Variants in FBXL2 observed in about 807,000 individuals in gnomAD.
FBXL2 encodes the protein F-box/LRR-repeat protein 2.
In FBXL2, 38 loss-of-function variants were observed where a neutral mutation model predicts 69.2. That is an observed-to-expected ratio of 0.55 (90% CI 0.42 to 0.72). FBXL2 has a LOEUF of 0.72. FBXL2 is among the 30% of genes least tolerant of loss of function. The pLI is 0.00. For missense variants in FBXL2, 354 were observed against 520.3 expected, an observed-to-expected ratio of 0.68 and a Z score of 3.11; for synonymous variants, 192 against 201.3, an observed-to-expected ratio of 0.95 and a Z score of 0.39.
chr3:33,355,076 T>C (rs1336609295), intron 2 of FBXL2, among the ~76,000 whole-genome samples: 1 of 152,134 alleles, frequency 6.6e-6, no homozygotes, highest in Non-Finnish European at 1.5e-5. Context: ...ACTATGGGCA[T>C]GCGTCACCAC....
Position 33,283,511 on chromosome 3 carries a change from T to G in FBXL2, c.3+5996T>G, listed in dbSNP as rs1199221575. Among the ~76,000 whole-genome samples, 4 of 152,180 alleles carry G rather than the reference T, an allele frequency of 2.6e-5. No homozygotes were observed. In the East Asian group the frequency reaches 7.7e-4, roughly 29 times the overall value. ...CAGGGATATTGGTCTAAAATTCTCT[T>G]TTTTTGTTGTGTCTCTGCCAGGCTT... On this transcript the variant is annotated intron_variant, in intron 1 of 14. Transcript: ENST00000484457.
At position 33,297,719 on chromosome 3, in the gene FBXL2, T is replaced by C; in HGVS notation, c.59T>C (p.Leu20Pro). 1 of 1,561,606 alleles carries C rather than the reference T, an allele frequency of 6.4e-7. No homozygotes were observed. The highest frequency in any genetic ancestry group is 8.8e-7 in the Non-Finnish European group (1 of 1,140,882). Reference protein sequence around the residue: ...LINKKLPKELLLRIFSFLDIV... With the variant: ...LINKKLPKELPLRIFSFLDIV... ...AACAAAAAGTTACCCAAAGAACTTC[T>C]GTTAAGGTAAATGTAGATAAATTCT... The change falls in exon 2 of 15, where the codon CTG becomes CCG. Residue 20 changes from leucine to proline, a missense_variant. Leu to Pro is a moderately conservative substitution (Grantham distance 98). Transcript: ENST00000484457.
chr3:33,367,262 G>A lies in FBXL2; in HGVS notation c.290+2543G>A, dbSNP rs148392001. 3.9e-3 allele frequency among the ~76,000 whole-genome samples: 589 copies of A among 152,150 alleles called. 4 individuals carry two copies. Among genetic ancestry groups the A allele is most frequent in the Middle Eastern group, 6.8e-3 (2 of 294 alleles). On this transcript the variant is annotated intron_variant, in intron 5 of 14. Coordinates refer to ENST00000484457, the MANE Select transcript of FBXL2 (RefSeq NM_012157.5). Reference sequence around the variant, plus strand: ...ATGCCTGGCTAATTTTATATTTTCAGTAGAGACGGGGGTTTCACCATGTTG... The same window carrying A: ...ATGCCTGGCTAATTTTATATTTTCAATAGAGACGGGGGTTTCACCATGTTG...
At chr3:33,353,709 AC>A (rs1375427444) in intron 2 of FBXL2, among the ~76,000 whole-genome samples, 1 of 152,062 alleles carries the variant, frequency 6.6e-6, no homozygotes, top group Non-Finnish European at 1.5e-5. Context: ...GACAACATAG[AC>A]CCCATCTCTT....
intron 12 of FBXL2, chr3:33,400,090 C>A: frequency 1.5e-6 from 1 of 686,402 alleles, no homozygotes; most frequent in Non-Finnish European, 2.1e-6. Flanking sequence ...AACTTCCTAT[C>A]CATAGTTATT....
chr3:33,410,243 A>ACCC, the FBXL2 span, among the ~76,000 whole-genome samples: 2 of 152,238 alleles, frequency 1.3e-5, no homozygotes, highest in African/African-American at 2.4e-5. Context: ...CCTGGATGAC[A>ACCC]GCCTTAGGGT....
intron 2 of FBXL2, among the ~76,000 whole-genome samples, chr3:33,344,907 C>A (rs2040324809): frequency 6.6e-6 from 1 of 152,056 alleles, no homozygotes; most frequent in South Asian, 2.1e-4. Context: ...AACACTGACA[C>A]CAGAAGAAAC....
chr3:33,390,435 A>T (rs982820615), downstream of FBXL2: 3 of 1,557,480 alleles, frequency 1.9e-6, no homozygotes, highest in Non-Finnish European at 1.8e-6. Flanking sequence ...TAAATGGAAA[A>T]CTCCCTGCCA....
At chr3:33,379,681 CAAAAAA>C (rs34431678) in intron 13 of FBXL2, among the ~76,000 whole-genome samples, 10 of 140,394 alleles carry the variant, frequency 7.1e-5, no homozygotes, top group South Asian at 2.3e-4. Context: ...AAAATTGTAC[CAAAAAA>C]AAAACAAAAA....
intron 13 of FBXL2, among the ~76,000 whole-genome samples, chr3:33,381,166 A>G (rs2043028186): frequency 6.6e-6 from 1 of 152,222 alleles, no homozygotes; most frequent in African/African-American, 2.4e-5. Flanking sequence ...ATATGCCAGT[A>G]CATAAGTTTT....
chr3:33,317,922 T>C (rs1049915155), intron 2 of FBXL2, among the ~76,000 whole-genome samples: 92 of 152,344 alleles, frequency 6.0e-4, no homozygotes, highest in African/African-American at 2.1e-3. Flanking sequence ...TTAGGGATAC[T>C]CAGCCCATAC....
rs765529329 is a variant in FBXL2, at chr3:33,385,543, G to A, written c.1207G>A (p.Val403Ile). The part of the protein sequence containing the change: ...HVKVHAYFAP[V>I]TPPTAVAGSG... ...CAAAGTCCACGCCTACTTTGCTCCC[G>A]TCACCCCACCGACAGCAGTGGCAGG... The change falls in exon 15 of 15, where the codon GTC (valine) becomes ATC (isoleucine). Residue 403 changes from valine to isoleucine, a missense_variant. Coordinates refer to ENST00000484457, the MANE Select transcript of FBXL2 (RefSeq NM_012157.5). The A allele has an allele frequency of 1.4e-5, 23 of 1,613,702 alleles. No homozygotes were observed. Among genetic ancestry groups the A allele is most frequent in the Admixed American group, 5.0e-5 (3 of 59,972 alleles).
chr3:33,281,413 A>T (rs1354543337), intron 1 of FBXL2, among the ~76,000 whole-genome samples: 1 of 152,110 alleles, frequency 6.6e-6, no homozygotes, highest in Non-Finnish European at 1.5e-5. Context: ...CATGGTGTAT[A>T]TGTGCCACAT....
upstream of FBXL2, chr3:33,277,185 T>TAAAAAA (rs751643485): frequency 6.2e-5 from 18 of 291,570 alleles, no homozygotes; most frequent in South Asian, 5.0e-4. Context: ...ACGTTTTTTT[T>TAAAAAA]AAAAAAAAAA....
At chr3:33,311,650 G>A (rs957880555) in intron 2 of FBXL2, among the ~76,000 whole-genome samples, 2 of 151,796 alleles carry the variant, frequency 1.3e-5, no homozygotes, top group Non-Finnish European at 2.9e-5. Flanking sequence ...TTGAGACAGA[G>A]TCTTGCTCTG....
chr3:33,378,949 G>C (rs1391633202), intron 13 of FBXL2: 1 of 882,398 alleles, frequency 1.1e-6, no homozygotes, highest in Non-Finnish European at 1.7e-6. Flanking sequence ...TCCCAAAAGA[G>C]AAATGTCCAG....
intron 13 of FBXL2, chr3:33,383,363 T>TA (rs2043186584): frequency 6.5e-6 from 1 of 153,052 alleles, no homozygotes; most frequent in Non-Finnish European, 1.5e-5. Flanking sequence ...ATAGAGAACT[T>TA]AAGAGAATTA....
chr3:33,367,367 C>T (rs1246261782), intron 5 of FBXL2, among the ~76,000 whole-genome samples: 3 of 152,178 alleles, frequency 2.0e-5, no homozygotes, highest in Non-Finnish European at 4.4e-5. Context: ...TAAGCGTGAG[C>T]CACCGCACCC....
At chr3:33,341,307 C>A (rs558161795) in intron 2 of FBXL2, among the ~76,000 whole-genome samples, 5 of 152,196 alleles carry the variant, frequency 3.3e-5, no homozygotes, top group Admixed American at 1.3e-4. Context: ...CTGTGAGAAA[C>A]TACAGGATAA....
Sources: allele counts gnomAD v4.1 joint callset (sites outside exome capture counted in the v4.1 genomes callset), GRCh38; gene constraint gnomAD v4.1.1; transcripts MANE v1.5; gene names NCBI Gene and HGNC (gene_info 2026-07-23, HGNC 2026-07-21).